The following KCNMB2 variants were observed in gnomAD, a reference collection of about 807,000 sequenced individuals.
KCNMB2 encodes calcium-activated potassium channel subunit beta-2.
In KCNMB2, 9 loss-of-function variants were observed where a neutral mutation model predicts 24.5. The ratio of observed to expected loss-of-function variants is 0.37; its 90% CI spans 0.22 to 0.64. KCNMB2 has a LOEUF of 0.64. Ranked by LOEUF, KCNMB2 falls within the 30% of genes least tolerant of loss-of-function variation. The pLI is 0.63. For missense variants in KCNMB2, 226 were observed against 284.3 expected (o/e 0.79, Z 1.47); for synonymous variants, 109 against 104.4 (o/e 1.04, Z -0.27).
chr3:178,552,547 C>G (rs1039115201), intron 1 of KCNMB2, among the ~76,000 whole-genome samples: 5 of 152,116 alleles, frequency 3.3e-5, no homozygotes, highest in Non-Finnish European at 7.4e-5. Flanking sequence ...CTCATTTCCC[C>G]AAAATCAGCC....
chr3:178,761,567 C>T (rs1020788570), intron 1 of KCNMB2, among the ~76,000 whole-genome samples: 4 of 152,066 alleles, frequency 2.6e-5, no homozygotes, highest in African/African-American at 9.7e-5. Flanking sequence ...TGTCATTTTG[C>T]CTTTTCGTGC....
chr3:178,667,594 C>T (rs1343914272), intron 1 of KCNMB2, among the ~76,000 whole-genome samples: 1 of 152,024 alleles, frequency 6.6e-6, no homozygotes. Context: ...GACTAAGACA[C>T]CATATGAGGA....
At position 178,630,290 on chromosome 3, in the gene KCNMB2, C is replaced by A. The variant is rs183980788; in HGVS notation, c.-68+93579C>A. Among the ~76,000 whole-genome samples, 1,179 of 152,312 alleles carry A rather than the reference C, an allele frequency of 7.7e-3. 15 individuals are homozygous for A. Among genetic ancestry groups the A allele is most frequent in the African/African-American group, 0.027 (1,139 of 41,554 alleles). ...GCAATACTCTCCTAGAACCTACTGA[C>A]AAATAAGCATACAATCTAAATTAAA... is the stretch of plus-strand genomic sequence containing the variant. On this transcript the variant is annotated intron_variant, in intron 1 of 4. Coordinates refer to ENST00000452583, the MANE Select transcript of KCNMB2 (RefSeq NM_181361.3).
chr3:178,781,438 A>G (rs1712833807), intron 1 of KCNMB2, among the ~76,000 whole-genome samples: 1 of 151,848 alleles, frequency 6.6e-6, no homozygotes, highest in Admixed American at 6.6e-5. Flanking sequence ...CTAAAAATAC[A>G]AAAATCAGCC....
chr3:178,819,815 GAAAACTAGT>G (rs1714556539), intron 2 of KCNMB2, among the ~76,000 whole-genome samples: 1 of 152,086 alleles, frequency 6.6e-6, no homozygotes, highest in Non-Finnish European at 1.5e-5. Flanking sequence ...AAAAGAATCT[GAAAACTAGT>G]AAAAATTGAA....
chr3:178,620,384 TG>T (rs1718865559), intron 1 of KCNMB2, among the ~76,000 whole-genome samples: 1 of 152,212 alleles, frequency 6.6e-6, no homozygotes, highest in Admixed American at 6.5e-5. Flanking sequence ...AAGATATTTT[TG>T]TCCATTAAGC....
chr3:178,603,890 C>T (rs777410196), intron 1 of KCNMB2, among the ~76,000 whole-genome samples: 1 of 152,134 alleles, frequency 6.6e-6, no homozygotes, highest in Non-Finnish European at 1.5e-5. Flanking sequence ...ACTGACATTG[C>T]ACATATACTG....
chr3:178,795,174 A>G (rs1713489266), intron 1 of KCNMB2: 1 of 152,102 alleles, frequency 6.6e-6, no homozygotes, highest in South Asian at 2.1e-4. Context: ...GAAAAAGTCT[A>G]CGCAATGTCT....
At chr3:178,730,182 C>A (rs537430101) in intron 1 of KCNMB2, among the ~76,000 whole-genome samples, 1 of 152,224 alleles carries the variant, frequency 6.6e-6, no homozygotes, top group African/African-American at 2.4e-5. Flanking sequence ...TGGTGAATGA[C>A]CCTAATAACA....
chr3:178,632,694 G>C (rs1719362978), intron 1 of KCNMB2, among the ~76,000 whole-genome samples: 1 of 151,854 alleles, frequency 6.6e-6, no homozygotes, highest in Non-Finnish European at 1.5e-5. Context: ...TTTCACCCTT[G>C]GCCCCTCCCA....
intron 1 of KCNMB2, among the ~76,000 whole-genome samples, chr3:178,626,153 G>T (rs1219723839): frequency 6.6e-6 from 1 of 152,190 alleles, no homozygotes; most frequent in Non-Finnish European, 1.5e-5. Flanking sequence ...CGTTGGCATT[G>T]CTCCCTTGTG....
chr3:178,651,001 A>G (rs1359426226), intron 1 of KCNMB2, among the ~76,000 whole-genome samples: 1 of 152,236 alleles, frequency 6.6e-6, no homozygotes, highest in African/African-American at 2.4e-5. Context: ...AAACAGATCA[A>G]GACAACGATG....
chr3:178,556,396 T>C (rs969998233), intron 1 of KCNMB2, among the ~76,000 whole-genome samples: 5 of 152,152 alleles, frequency 3.3e-5, no homozygotes, highest in African/African-American at 1.2e-4. Context: ...GAACACATAG[T>C]TGGGTTTTTT....
At chr3:178,548,276 A>T (rs9868461) in intron 1 of KCNMB2, among the ~76,000 whole-genome samples, 1 of 152,080 alleles carries the variant, frequency 6.6e-6, no homozygotes, top group Admixed American at 6.5e-5. Context: ...CTATAGATAG[A>T]TCTTGCAATC....
intron 1 of KCNMB2, among the ~76,000 whole-genome samples, chr3:178,552,790 A>C (rs918505542): frequency 6.6e-6 from 1 of 152,234 alleles, no homozygotes; most frequent in Non-Finnish European, 1.5e-5. Context: ...ATTCAAAAGC[A>C]ATGTCCTAAT....
chr3:178,674,078 A>T (rs1010284632), intron 1 of KCNMB2, among the ~76,000 whole-genome samples: 2 of 151,948 alleles, frequency 1.3e-5, no homozygotes, highest in South Asian at 4.1e-4. Context: ...TTCATCCATC[A>T]ATTACTTTCT....
chr3:178,782,353 G>A (rs1271229079), intron 1 of KCNMB2, among the ~76,000 whole-genome samples: 1 of 148,992 alleles, frequency 6.7e-6, no homozygotes, highest in African/African-American at 2.5e-5. Flanking sequence ...CTAGATCCCT[G>A]AGGAATCGCC....
chr3:178,775,419 T>G (rs1048981397), intron 1 of KCNMB2, among the ~76,000 whole-genome samples: 1 of 151,704 alleles, frequency 6.6e-6, no homozygotes, highest in African/African-American at 2.4e-5. Context: ...GGAGATTAAC[T>G]TTTTTTAGAG....
chr3:178,689,359 G>C (rs1721586113), intron 1 of KCNMB2, among the ~76,000 whole-genome samples: 1 of 152,094 alleles, frequency 6.6e-6, no homozygotes, highest in South Asian at 2.1e-4. Context: ...TTATAAGCCG[G>C]GCACAGTGGT....
Sources: allele counts gnomAD v4.1 joint callset (sites outside exome capture counted in the v4.1 genomes callset), GRCh38; gene constraint gnomAD v4.1.1; transcripts MANE v1.5; gene names NCBI Gene and HGNC (gene_info 2026-07-23, HGNC 2026-07-21).